Variants in DMXL1 observed in about 807,000 individuals in gnomAD.
DMXL1 encodes Dmx like 1.
In DMXL1, 99 loss-of-function variants were observed where a neutral mutation model predicts 319.2. That is an observed-to-expected ratio of 0.31 (90% confidence interval 0.26 to 0.37). The LOEUF (loss-of-function observed/expected upper bound fraction) is 0.37. DMXL1 is among the 10% of genes least tolerant of loss of function. DMXL1 has a pLI of 1.00. For missense variants in DMXL1, 3,745 were observed against 3,595.6 expected (o/e 1.04, Z -1.06); for synonymous variants, 1,385 against 1,235.2 (o/e 1.12, Z -2.54).
Position 119,117,783 on chromosome 5 carries a change from A to G in DMXL1, c.744-1032A>G, listed in dbSNP as rs75070188. ...GGGAAGGAGAAGGAGAGAGCAACCA[A>G]TACAAATTATGCTGTTCTCCCTTCT... On this transcript the variant is annotated intron_variant, in intron 7 of 43. Transcript: ENST00000539542. Among the ~76,000 whole-genome samples, 789 of 152,218 alleles carry G rather than the reference A, an allele frequency of 5.2e-3. 8 individuals carry two copies. Among genetic ancestry groups the G allele is most frequent in the Non-Finnish European group, 6.6e-3 (449 of 68,008 alleles).
intron 13 of DMXL1, among the ~76,000 whole-genome samples, chr5:119,141,364 C>T (rs1767305253): frequency 6.6e-6 from 1 of 151,994 alleles, no homozygotes; most frequent in Non-Finnish European, 1.5e-5. Context: ...ATGTCTTGGC[C>T]CAAAAGCTCC....
At chr5:119,209,185 A>G (rs767932707) in intron 34 of DMXL1, among the ~76,000 whole-genome samples, 8 of 152,170 alleles carry the variant, frequency 5.3e-5, no homozygotes, top group Non-Finnish European at 8.8e-5. Context: ...GTCACATTTT[A>G]TGGAAAAATG....
At chr5:119,206,234 T>G (rs1027880859) in intron 33 of DMXL1, among the ~76,000 whole-genome samples, 1 of 152,092 alleles carries the variant, frequency 6.6e-6, no homozygotes, top group Non-Finnish European at 1.5e-5. Flanking sequence ...TTCTGTTTTT[T>G]TTTGTTTTGT....
intron 32 of DMXL1, among the ~76,000 whole-genome samples, chr5:119,202,864 CATATATATATATATATATTTTTAT>C (rs1406302054): frequency 3.5e-3 from 260 of 74,304 alleles, no homozygotes; most frequent in South Asian, 8.4e-3. Context: ...AATATACATA[CATATATATATATATATATTTTTAT>C]ATATATATAT....
chr5:119,083,524 A>G (rs961026171), intron 1 of DMXL1, among the ~76,000 whole-genome samples: 8 of 152,052 alleles, frequency 5.3e-5, no homozygotes, highest in African/African-American at 1.9e-4. Context: ...TTGCTGGATC[A>G]TACGGTTGTT....
In DMXL1 at chr5:119,133,696, G is replaced by A; in HGVS notation, c.1772G>A (p.Ser591Asn). ...HNKSSNSLKLSIFTPNVMMIS... is the reference protein window; with the variant it reads ...HNKSSNSLKLNIFTPNVMMIS... The stretch of plus-strand genomic sequence containing the variant: ...AAATCATCTAATAGTTTAAAATTAA[G>A]TATTTTTACGCCTAATGTTATGATG... Residue 591 changes from serine to asparagine, a missense_variant, in exon 12 of 44, where the codon AGT (serine) becomes AAT (asparagine). This residue lies in a region of DMXL1 where 2,096 missense variants were observed against 1,985.4 expected (regional missense o/e 1.06). Coordinates refer to ENST00000539542, the MANE Select transcript of DMXL1 (RefSeq NM_001290321.3). 1 of 1,614,120 alleles carries A rather than the reference G, an allele frequency of 6.2e-7. No individual in the cohort carries two copies. The highest frequency in any genetic ancestry group is 8.5e-7 in the Non-Finnish European group (1 of 1,180,004).
intron 2 of DMXL1, among the ~76,000 whole-genome samples, chr5:119,101,637 G>T (rs1031233478): frequency 1.3e-5 from 2 of 152,160 alleles, no homozygotes; most frequent in African/African-American, 4.8e-5. Flanking sequence ...TATATGTTAG[G>T]TGTTTTACAA....
chr5:119,071,281 C>T lies in DMXL1; in HGVS notation c.-289C>T, dbSNP rs1481042601. The T allele has an allele frequency of 7.1e-6, 3 of 420,528 alleles. No individual in the cohort carries two copies. Among genetic ancestry groups the T allele is most frequent in the Non-Finnish European group, 1.3e-5 (3 of 232,710 alleles). The allele number at this position is 420,528 out of a possible 1,614,324, so 26.0% of individuals were successfully genotyped here. On this transcript the variant is annotated 5_prime_UTR_variant, in exon 1 of 44. Coordinates refer to ENST00000539542, the MANE Select transcript of DMXL1 (RefSeq NM_001290321.3). The stretch of plus-strand genomic sequence containing the variant: ...CGGTGAGTCGGCCCCGGGTCGTGGC[C>T]GGTGAGGGGACCCTGAGCTTCACCT...
In DMXL1 at chr5:119,149,356, G is replaced by A. The variant is rs1159940428; in HGVS notation, c.3529G>A (p.Gly1177Ser). The A allele has an allele frequency of 6.2e-7, 1 of 1,613,868 alleles. No homozygotes were observed. The highest frequency in any genetic ancestry group is 8.5e-7 in the Non-Finnish European group (1 of 1,179,878). Reference sequence around the variant, plus strand: ...GGCTGGCAAGGTACAAGACCAAACTGGTAAGGAAACCCTGGCATTTCCTCT... The same window carrying A: ...GGCTGGCAAGGTACAAGACCAAACTAGTAAGGAAACCCTGGCATTTCCTCT... The part of the protein sequence containing the change: ...PLAGKVQDQT[G>S]KETLAFPLWE... The change falls in exon 18 of 44, where the codon GGT (glycine) becomes AGT (serine). Residue 1177 changes from glycine to serine, a missense_variant. Gly to Ser is a moderately conservative substitution (Grantham distance 56). This residue lies in a region of DMXL1 where 2,096 missense variants were observed against 1,985.4 expected (regional missense o/e 1.06). Coordinates refer to ENST00000539542, the MANE Select transcript of DMXL1 (RefSeq NM_001290321.3).
intron 1 of DMXL1, among the ~76,000 whole-genome samples, chr5:119,091,729 CCACAGGAGG>C (rs1754838721): frequency 1.3e-5 from 2 of 152,082 alleles, no homozygotes; most frequent in African/African-American, 4.8e-5. Context: ...TGAGGAGATC[CCACAGGAGG>C]TATCTCAGCA....
At chr5:119,125,793 T>A (rs1487671004) in intron 9 of DMXL1, among the ~76,000 whole-genome samples, 3 of 152,054 alleles carry the variant, frequency 2.0e-5, no homozygotes, top group African/African-American at 7.2e-5. Flanking sequence ...CTCAATCTCC[T>A]GACCTCGTGA....
chr5:119,168,957 A>G (rs1774001635), intron 23 of DMXL1, among the ~76,000 whole-genome samples: 1 of 151,738 alleles, frequency 6.6e-6, no homozygotes, highest in African/African-American at 2.4e-5. Flanking sequence ...GCTGGAGTGC[A>G]GTGGGGCTAT....
chr5:119,147,047 A>C (rs1768713004), intron 16 of DMXL1, 91 bp downstream of exon 16: 1 of 1,432,760 alleles, frequency 7.0e-7, no homozygotes, highest in African/African-American at 1.4e-5. Flanking sequence ...TATTTCTTAA[A>C]GCCATTCTCA....
Position 119,237,380 on chromosome 5 carries a change from G to T in DMXL1, c.8525G>T (p.Cys2842Phe). Residue 2842 changes from cysteine (C) to phenylalanine (F), a missense_variant, in exon 40 of 44, where the codon TGT (cysteine) becomes TTT (phenylalanine). By Grantham distance (205) the Cys-to-Phe change is radical. Transcript: ENST00000539542. ...LSLYQTNWKC[C>F]PVTGSMPKPY... ...TTGTATCAAACAAACTGGAAATGTT[G>T]TCCAGTTACTGGAAGCATGCCTAAG... 1 of 1,605,194 alleles carries T rather than the reference G, an allele frequency of 6.2e-7. No homozygotes were observed. Among genetic ancestry groups the T allele is most frequent in the Non-Finnish European group, 8.5e-7 (1 of 1,174,180 alleles).
chr5:119,111,919 G>A (rs1171904262), intron 5 of DMXL1, among the ~76,000 whole-genome samples: 1 of 152,124 alleles, frequency 6.6e-6, no homozygotes, highest in Non-Finnish European at 1.5e-5. Flanking sequence ...AGAGAAATAG[G>A]TGCTCTTGTA....
intron 34 of DMXL1, among the ~76,000 whole-genome samples, chr5:119,207,283 T>C (rs1781911001): frequency 6.6e-6 from 1 of 152,106 alleles, no homozygotes; most frequent in Admixed American, 6.6e-5. Flanking sequence ...ATTAATGATA[T>C]TAAAATTAAT....
chr5:119,153,328 G>A (rs983144429), intron 19 of DMXL1, among the ~76,000 whole-genome samples: 18 of 152,094 alleles, frequency 1.2e-4, no homozygotes, highest in Admixed American at 1.1e-3. Context: ...AAAATTGTAT[G>A]TATTTATAGG....
chr5:119,090,829 T>TAATCAC (rs1182717099), intron 1 of DMXL1, among the ~76,000 whole-genome samples: 1 of 151,994 alleles, frequency 6.6e-6, no homozygotes, highest in Non-Finnish European at 1.5e-5. Flanking sequence ...CCTCCCAAAG[T>TAATCAC]GCTGGGATTA....
At position 119,118,923 on chromosome 5, in the gene DMXL1, C is replaced by A. The variant is rs2149926670; in HGVS notation, c.852C>A (p.Ser284Arg). 6.2e-7 allele frequency: 1 copy of A among 1,613,654 alleles called. No individual in the cohort carries two copies. Among genetic ancestry groups the A allele is most frequent in the East Asian group, 2.2e-5 (1 of 44,840 alleles). ...GTTTGCTATACGGAGGTGACTGCAGCCATTGGACTGAATCAATTAATTTAA... is the reference window on the plus strand; with the variant it reads ...GTTTGCTATACGGAGGTGACTGCAGACATTGGACTGAATCAATTAATTTAA... ...NDCLLYGGDC[S>R]HWTESINLTN... The change falls in exon 8 of 44, where the codon AGC becomes AGA. Residue 284 changes from serine (S) to arginine (R), a missense_variant. Transcript: ENST00000539542.
Sources: allele counts gnomAD v4.1 joint callset (sites outside exome capture counted in the v4.1 genomes callset), GRCh38; gene constraint gnomAD v4.1.1; regional missense constraint gnomAD v4.1.1; transcripts MANE v1.5; gene names NCBI Gene and HGNC (gene_info 2026-07-23, HGNC 2026-07-21).